ATP2A3: variants seen among roughly 807,000 people sequenced by gnomAD.
The protein encoded by ATP2A3 is ATPase sarcoplasmic/endoplasmic reticulum Ca2+ transporting 3.
A neutral mutation model predicts 106.8 loss-of-function variants in ATP2A3; 61 were observed. That is an observed-to-expected ratio of 0.57 (90% CI 0.46 to 0.71). ATP2A3 has a LOEUF of 0.71. ATP2A3 is among the 30% of genes least tolerant of loss of function. ATP2A3 has a pLI of 0.00. For missense variants in ATP2A3, 1,201 were observed against 1,423.5 expected (o/e 0.84, Z 2.52); for synonymous variants, 611 against 609.3 (o/e 1.00, Z -0.04).
At position 3,964,295 on chromosome 17, in the gene ATP2A3, GC is replaced by G; in HGVS notation, c.-5del. On this transcript the variant is annotated 5_prime_UTR_variant, in exon 1 of 21. Coordinates refer to ENST00000397041, the MANE Select transcript of ATP2A3 (RefSeq NM_005173.4). ...GGAGCAGATGCGCCGCCTCCATGCC[GC>G]CCGCCCGGCCGTCTGCGCCGTCCGC... 1 of 1,250,122 alleles carries G rather than the reference GC, an allele frequency of 8.0e-7. No homozygotes were observed. Among genetic ancestry groups the G allele is most frequent in the East Asian group, 4.5e-5 (1 of 22,054 alleles). The allele number at this position is 1,250,122 out of a possible 1,614,324, so 77.4% of individuals were successfully genotyped here.
rs1462208682 is a variant in ATP2A3, at chr17:3,951,605, G to A, written c.300C>T (p.Ala100=). The change falls in exon 4 of 21, where the codon GCC becomes GCT. Residue 100 remains alanine (A), a synonymous_variant. Transcript: ENST00000397041. The part of the protein sequence containing the change: ...EPLVIMLILV[A]NAIVGVWQER... ...CCTGCCACACGCCCACAATGGCGTT[G>A]GCCACGAGGATCAGCATGATGACCA... 1.3e-6 allele frequency: 2 copies of A among 1,564,512 alleles called. No individual in the cohort carries two copies. The highest frequency in any genetic ancestry group is 1.8e-5 in the Admixed American group (1 of 56,930).
chr17:3,952,694 A>G (rs55961949), intron 3 of ATP2A3, among the ~76,000 whole-genome samples: 29,504 of 152,154 alleles, frequency 0.19, 3,467 homozygotes, highest in Middle Eastern at 0.27. Context: ...GGCCCAAGCA[A>G]TTCTCCTGCC....
At position 3,937,631 on chromosome 17, in the gene ATP2A3, G is replaced by A. The variant is rs1386930507; in HGVS notation, c.2106C>T (p.Gly702=). The change falls in exon 15 of 21, where the codon GGC becomes GGT. Residue 702 remains glycine, a synonymous_variant. Transcript: ENST00000397041. ...GGGCTGGTGCGTCGTTCACTCCATC[G>A]CCAGTCTGTGGGCCAGGTCAGGTAG... ...QSFNEITAMT[G]DGVNDAPALK... 6 of 1,613,632 alleles carry A rather than the reference G, an allele frequency of 3.7e-6. No homozygotes were observed. Among genetic ancestry groups the A allele is most frequent in the African/African-American group, 2.7e-5 (2 of 75,026 alleles).
At chr17:3,961,493 T>C (rs1254210698) in intron 1 of ATP2A3, among the ~76,000 whole-genome samples, 1 of 142,112 alleles carries the variant, frequency 7.0e-6, no homozygotes, top group Non-Finnish European at 1.5e-5. Context: ...AGCTCTGAAG[T>C]GTCTGTGTGC....
At chr17:3,927,188 C>A in intron 20 of ATP2A3, 2 of 985,458 alleles carry the variant, frequency 2.0e-6, no homozygotes. Flanking sequence ...CTGTCCCCTC[C>A]CGCTAGGACC....
At position 3,935,111 on chromosome 17, in the gene ATP2A3, G is replaced by A. The variant is rs1368253040; in HGVS notation, c.2610+81C>T. ...GGGAAGGACACTGCAGGCCACCCAT[G>A]CGGCTCTAGACCCATCTCCCCTGGA... On this transcript the variant is annotated intron_variant, in intron 17 of 20. Coordinates refer to ENST00000397041, the MANE Select transcript of ATP2A3 (RefSeq NM_005173.4). 4 of 1,425,926 alleles carry A rather than the reference G, an allele frequency of 2.8e-6. No individual in the cohort carries two copies. In the African/African-American group the frequency reaches 4.2e-5, roughly 15 times the overall value. 88.3% of individuals were successfully genotyped at this position (1,425,926 alleles called of 1,614,324 possible). A position where few individuals can be genotyped will look rare whatever the true frequency, so the allele number is the denominator to read the frequency against.
At chr17:3,951,556 C>CACCCCCCA in intron 4 of ATP2A3, 25 bp downstream of exon 4, 1 of 1,345,716 alleles carries the variant, frequency 7.4e-7, no homozygotes, top group Non-Finnish European at 1.0e-6. Flanking sequence ...GCCCCCCGCC[C>CACCCCCCA]GGTCCCACCC....
chr17:3,929,584 G>C lies in ATP2A3; in HGVS notation c.2745-139C>G. On this transcript the variant is annotated intron_variant, in intron 18 of 20. Transcript: ENST00000397041. The surrounding 1 kb of genome is among the most constrained non-coding windows in gnomAD (Gnocchi z 4.3). ...CTCGGCCTGCCAGGGCCTGTCCCGG[G>C]CTGGGACCCCTTTCTCTGCCCCTCA... 1.4e-6 allele frequency: 1 copy of C among 721,354 alleles called. No individual in the cohort carries two copies. The highest frequency in any genetic ancestry group is 2.3e-6 in the Non-Finnish European group (1 of 436,528). The allele number at this position is 721,354 out of a possible 1,614,324, so 44.7% of individuals were successfully genotyped here. A position where few individuals can be genotyped will look rare whatever the true frequency, so the allele number is the denominator to read the frequency against.
intron 8 of ATP2A3, chr17:3,945,457 C>T (rs558910758): frequency 1.0e-5 from 3 of 292,888 alleles, no homozygotes; most frequent in Admixed American, 5.1e-5. Context: ...GGCAGAAAGC[C>T]TGGGTCCTTG....
At chr17:3,963,456 A>C (rs767374000) in intron 1 of ATP2A3, among the ~76,000 whole-genome samples, 3 of 152,360 alleles carry the variant, frequency 2.0e-5, no homozygotes, top group South Asian at 2.1e-4. Flanking sequence ...TTTTGGCAAG[A>C]GCAAGAATCC....
chr17:3,928,510 G>T lies in ATP2A3; in HGVS notation c.2980+153C>A. The T allele has an allele frequency of 1.1e-6, 1 of 945,350 alleles. No homozygotes were observed. 58.6% of individuals were successfully genotyped at this position (945,350 alleles called of 1,614,324 possible). A position where few individuals can be genotyped will look rare whatever the true frequency, so the allele number is the denominator to read the frequency against. ...GACACCTTGGGACCCAGCCACCAGA[G>T]CCCCTTCACACCCTCCACTTGGTGA... On this transcript the variant is annotated intron_variant, in intron 20 of 20. Transcript: ENST00000397041. The surrounding 1 kb of genome is among the most constrained non-coding windows in gnomAD (Gnocchi z 6.1).
chr17:3,961,089 C>T (rs2055112259), intron 1 of ATP2A3, among the ~76,000 whole-genome samples: 1 of 152,188 alleles, frequency 6.6e-6, no homozygotes, highest in African/African-American at 2.4e-5. Context: ...CACTTATCCT[C>T]CTCCTGCTTC....
chr17:3,932,333 G>A (rs560282133), intron 17 of ATP2A3, among the ~76,000 whole-genome samples: 97 of 152,226 alleles, frequency 6.4e-4, no homozygotes, highest in Middle Eastern at 3.4e-3. Flanking sequence ...TAGTAGAGAC[G>A]GGGTTTCATC....
intron 12 of ATP2A3, among the ~76,000 whole-genome samples, 179 bp downstream of exon 12, chr17:3,942,427 C>A (rs2053832215): frequency 6.6e-6 from 1 of 152,154 alleles, no homozygotes; most frequent in South Asian, 2.1e-4. Context: ...TTCCAAAACA[C>A]AGAGCACCAA....
In ATP2A3 at chr17:3,930,250, C is replaced by A; in HGVS notation, c.2744+51G>T. ...CAGACACTGATACTGGAACCCCCAG[C>A]CCTCAGCCCCCACTCCTCGGCCCCA... On this transcript the variant is annotated intron_variant, in intron 18 of 20. Transcript: ENST00000397041. The surrounding 1 kb of genome is among the most constrained non-coding windows in gnomAD (Gnocchi z 5.4). 1 of 1,406,824 alleles carries A rather than the reference C, an allele frequency of 7.1e-7. No homozygotes were observed. Among genetic ancestry groups the A allele is most frequent in the South Asian group, 1.5e-5 (1 of 66,302 alleles). 87.1% of individuals were successfully genotyped at this position (1,406,824 alleles called of 1,614,324 possible). A position where few individuals can be genotyped will look rare whatever the true frequency, so the allele number is the denominator to read the frequency against.
At chr17:3,949,960 G>C (rs973823710) in intron 7 of ATP2A3, among the ~76,000 whole-genome samples, 1 of 151,734 alleles carries the variant, frequency 6.6e-6, no homozygotes, top group African/African-American at 2.4e-5. Flanking sequence ...TCAGGAGTTC[G>C]AGACCAGCCT....
chr17:3,943,572 C>A, intron 10 of ATP2A3, 50 bp from the exon 11 acceptor site: 1 of 1,611,422 alleles, frequency 6.2e-7, no homozygotes, highest in East Asian at 2.2e-5. Context: ...GCCTCCAGCC[C>A]GCATCCCCAG....
In ATP2A3 at chr17:3,924,766, T is replaced by C. The variant is rs2052614865; in HGVS notation, c.*656A>G. The stretch of plus-strand genomic sequence containing the variant: ...TCGCTCCGCCCTCCTGCCGGCTCCT[T>C]GTGTCCGTCTCTCTGACCCTTCACC... On this transcript the variant is annotated 3_prime_UTR_variant, in exon 21 of 21. Transcript: ENST00000397041. The surrounding 1 kb of genome is among the most constrained non-coding windows in gnomAD (Gnocchi z 6.4). The C allele has an allele frequency of 8.8e-6, 4 of 456,440 alleles. No individual in the cohort carries two copies. The highest frequency in any genetic ancestry group is 1.5e-5 in the South Asian group (1 of 64,562). 28.3% of individuals were successfully genotyped at this position (456,440 alleles called of 1,614,324 possible).
chr17:3,942,578 G>C (rs769320267), intron 12 of ATP2A3, 28 bp downstream of exon 12: 2 of 1,605,230 alleles, frequency 1.2e-6, no homozygotes, highest in Non-Finnish European at 1.7e-6. Context: ...GGCGCGCAGG[G>C]GCCCAGGCCA....
Sources: allele counts gnomAD v4.1 joint callset (sites outside exome capture counted in the v4.1 genomes callset), GRCh38; gene constraint gnomAD v4.1.1; non-coding constraint Gnocchi (gnomAD v3.1); transcripts MANE v1.5; gene names NCBI Gene and HGNC (gene_info 2026-07-23, HGNC 2026-07-21).